The following HERC3 variants were observed in gnomAD, a reference collection of about 807,000 sequenced individuals.
The protein encoded by HERC3 is probable E3 ubiquitin-protein ligase HERC3.
HERC3 carries 58 observed loss-of-function variants against 129.9 expected under a neutral mutation model. The ratio of observed to expected loss-of-function variants is 0.45; its 90% CI spans 0.36 to 0.56. The LOEUF is 0.56. Among genes scored for constraint, HERC3 ranks in the 20% least tolerant of loss-of-function variants. The pLI, the probability that HERC3 is intolerant of heterozygous loss-of-function variation, is 0.00. For missense variants in HERC3, 835 were observed against 1,244.2 expected (o/e 0.67, Z 4.95); for synonymous variants, 430 against 451.0 (o/e 0.95, Z 0.59).
At chr4:88,687,477 C>A (rs1007534047) in intron 23 of HERC3, among the ~76,000 whole-genome samples, 178 bp downstream of exon 23, 1 of 152,176 alleles carries the variant, frequency 6.6e-6, no homozygotes, top group African/African-American at 2.4e-5. Flanking sequence ...AGCAAGCACC[C>A]GGCCTAGATT....
intron 1 of HERC3, among the ~76,000 whole-genome samples, chr4:88,592,974 C>T (rs1044046368): frequency 9.9e-5 from 15 of 152,230 alleles, no homozygotes; most frequent in African/African-American, 1.4e-4. Flanking sequence ...TATGCTCGCC[C>T]CCTGCCCCTA....
chr4:88,589,425 A>C (rs946297400), upstream of HERC3, among the ~76,000 whole-genome samples: 6 of 152,122 alleles, frequency 3.9e-5, no homozygotes, highest in Non-Finnish European at 7.4e-5. Context: ...TTCTTTTATA[A>C]AATTTATACA....
the HERC3 span, among the ~76,000 whole-genome samples, chr4:88,547,517 A>G: frequency 6.6e-6 from 1 of 152,170 alleles, no homozygotes; most frequent in Non-Finnish European, 1.5e-5. Context: ...TATTTCTCCA[A>G]TCCCACTCCA....
chr4:88,575,313 C>A, the HERC3 span, among the ~76,000 whole-genome samples: 5 of 152,232 alleles, frequency 3.3e-5, no homozygotes, highest in South Asian at 2.1e-4. Flanking sequence ...TGTGATTATG[C>A]TAAAAACCGT....
Position 88,680,123 on chromosome 4 carries a change from G to A in HERC3, c.2227G>A (p.Ala743Thr). 6.2e-7 allele frequency: 1 copy of A among 1,613,160 alleles called. No homozygotes were observed. The highest frequency in any genetic ancestry group is 1.1e-5 in the South Asian group (1 of 90,902). Residue 743 changes from alanine to threonine, a missense_variant, in exon 20 of 26, where the codon GCC becomes ACC. Coordinates refer to ENST00000402738, the MANE Select transcript of HERC3 (RefSeq NM_014606.3). ...CTTTGATGGTGAAGAAGCAGTGGATGCCGGTGGTGTTACAAAGGAATTTTT... is the reference window on the plus strand; with the variant it reads ...CTTTGATGGTGAAGAAGCAGTGGATACCGGTGGTGTTACAAAGGAATTTTT... ...VIFDGEEAVD[A>T]GGVTKEFFLL...
intron 21 of HERC3, chr4:88,684,727 A>T (rs1204078755): frequency 6.6e-6 from 1 of 152,234 alleles, no homozygotes; most frequent in Non-Finnish European, 1.5e-5. Flanking sequence ...TATCCATCTG[A>T]CAAAGGTCTA....
At chr4:88,594,202 C>T (rs1301445924) in intron 1 of HERC3, among the ~76,000 whole-genome samples, 3 of 152,128 alleles carry the variant, frequency 2.0e-5, no homozygotes, top group African/African-American at 7.2e-5. Flanking sequence ...TGAAGCCATT[C>T]GTTATAGCAT....
chr4:88,623,857 G>C (rs1281670875), intron 3 of HERC3, among the ~76,000 whole-genome samples: 1 of 152,166 alleles, frequency 6.6e-6, no homozygotes, highest in Non-Finnish European at 1.5e-5. Flanking sequence ...AATTTAATGA[G>C]TTTTGACAGT....
At chr4:88,630,956 CT>C (rs1163235300) in intron 3 of HERC3, among the ~76,000 whole-genome samples, 5 of 152,222 alleles carry the variant, frequency 3.3e-5, no homozygotes, top group Non-Finnish European at 7.3e-5. Context: ...GTCTACTCCC[CT>C]CCCATTCCCT....
intron 3 of HERC3, among the ~76,000 whole-genome samples, chr4:88,610,540 G>C (rs992056897): frequency 6.6e-6 from 1 of 151,664 alleles, no homozygotes; most frequent in Admixed American, 6.6e-5. Flanking sequence ...TCTTGTTTAA[G>C]ATGGAGTTGC....
chr4:88,556,977 C>A, the HERC3 span, among the ~76,000 whole-genome samples: 1 of 152,088 alleles, frequency 6.6e-6, no homozygotes, highest in African/African-American at 2.4e-5. Context: ...TCTCATGTAC[C>A]TTATATTCAC....
At chr4:88,607,986 C>T (rs1256220738) in intron 3 of HERC3, among the ~76,000 whole-genome samples, 2 of 152,090 alleles carry the variant, frequency 1.3e-5, no homozygotes. Context: ...ACAGATCATT[C>T]CAGACACTGA....
chr4:88,678,521 G>A (rs372889280), intron 19 of HERC3, among the ~76,000 whole-genome samples: 1 of 152,156 alleles, frequency 6.6e-6, no homozygotes, highest in East Asian at 1.9e-4. Context: ...AAATGGAAAG[G>A]TAGTAAAATC....
At chr4:88,583,685 G>A in the HERC3 span, 1 of 152,166 alleles carries the variant, frequency 6.6e-6, no homozygotes, top group Non-Finnish European at 1.5e-5. Flanking sequence ...CAGGTGGAGA[G>A]GGGCGCTTTG....
chr4:88,648,731 T>C (rs1326296248), intron 3 of HERC3, among the ~76,000 whole-genome samples: 1 of 152,150 alleles, frequency 6.6e-6, no homozygotes, highest in Non-Finnish European at 1.5e-5. Flanking sequence ...TGTGATTTTT[T>C]TTTGAAATAT....
the HERC3 span, among the ~76,000 whole-genome samples, chr4:88,579,498 T>C: frequency 6.6e-6 from 1 of 152,044 alleles, no homozygotes; most frequent in Non-Finnish European, 1.5e-5. Context: ...GTATGGGGAA[T>C]AGGATGAAGA....
At chr4:88,536,325 A>G in the HERC3 span, among the ~76,000 whole-genome samples, 2 of 152,002 alleles carry the variant, frequency 1.3e-5, no homozygotes, top group African/African-American at 4.8e-5. Context: ...CTAAACCACT[A>G]CTCAGCTTTT....
the HERC3 span, among the ~76,000 whole-genome samples, chr4:88,578,036 C>T: frequency 6.6e-6 from 1 of 152,144 alleles, no homozygotes; most frequent in African/African-American, 2.4e-5. Flanking sequence ...CAAGCATTGT[C>T]TTTAGGTGTT....
chr4:88,573,566 G>T, the HERC3 span, among the ~76,000 whole-genome samples: 5 of 152,202 alleles, frequency 3.3e-5, no homozygotes, highest in Non-Finnish European at 7.4e-5. Context: ...TCTGTGCATT[G>T]GTTTGAAACA....
Sources: allele counts gnomAD v4.1 joint callset (sites outside exome capture counted in the v4.1 genomes callset), GRCh38; gene constraint gnomAD v4.1.1; transcripts MANE v1.5; gene names NCBI Gene and HGNC (gene_info 2026-07-23, HGNC 2026-07-21).